Variants in MICAL2 observed in about 807,000 individuals in gnomAD.
MICAL2 encodes the protein microtubule associated monooxygenase, calponin and LIM domain containing 2.
MICAL2 carries 77 observed loss-of-function variants against 127.3 expected under a neutral mutation model. The observed-to-expected ratio is 0.60, with a 90% confidence interval of 0.50 to 0.73. The LOEUF (loss-of-function observed/expected upper bound fraction) is 0.73. MICAL2 is among the 30% of genes least tolerant of loss of function. The pLI is 0.00. For synonymous variants in MICAL2, 570 were observed against 551.1 expected (o/e 1.03, Z -0.48); for missense variants, 1,351 against 1,434.4 (o/e 0.94, Z 0.94).
intron 13 of MICAL2, 31 bp from the exon 14 acceptor site, chr11:12,226,140 T>C: frequency 6.2e-7 from 1 of 1,611,836 alleles, no homozygotes; most frequent in Non-Finnish European, 8.5e-7. Context: ...CTCCTCTCCC[T>C]GAATTTCTCT....
intron 3 of MICAL2, among the ~76,000 whole-genome samples, chr11:12,194,460 A>G (rs115437369): frequency 6.6e-6 from 1 of 152,242 alleles, no homozygotes; most frequent in Non-Finnish European, 1.5e-5. Flanking sequence ...CAACTAAAAA[A>G]GAGAAAATGG....
chr11:12,121,456 G>A (rs1850502025), intron 1 of MICAL2: 1 of 152,692 alleles, frequency 6.5e-6, no homozygotes, highest in Admixed American at 6.5e-5. Flanking sequence ...GGCTGTCAGA[G>A]CATTTGTACA....
chr11:12,167,336 C>T (rs1855631176), intron 3 of MICAL2, among the ~76,000 whole-genome samples: 1 of 152,162 alleles, frequency 6.6e-6, no homozygotes. Flanking sequence ...GGTCACCACA[C>T]ACCTTTTGCT....
chr11:12,331,466 G>T (rs558138693), intron 32 of MICAL2, among the ~76,000 whole-genome samples: 1 of 152,270 alleles, frequency 6.6e-6, no homozygotes, highest in East Asian at 1.9e-4. Flanking sequence ...GATGCACAAA[G>T]TGCCAGCAGG....
At chr11:12,287,219 G>C in exon 3 of MICAL2, 1 of 398,824 alleles carries the variant, frequency 2.5e-6, no homozygotes, top group Non-Finnish European at 4.4e-6. Context: ...AAGATCTCTG[G>C]TTAATTCTCA....
chr11:12,213,807 T>G (rs975587354), intron 7 of MICAL2, among the ~76,000 whole-genome samples: 2 of 152,196 alleles, frequency 1.3e-5, no homozygotes, highest in Non-Finnish European at 2.9e-5. Context: ...ATTTAGGGAA[T>G]GCTAAGGAGG....
intron 3 of MICAL2, among the ~76,000 whole-genome samples, chr11:12,200,777 GCTA>G (rs1225454309): frequency 6.6e-6 from 1 of 152,186 alleles, no homozygotes; most frequent in Non-Finnish European, 1.5e-5. Context: ...CTGTACACCA[GCTA>G]CTGTTTGCGT....
intron 1 of MICAL2, among the ~76,000 whole-genome samples, chr11:12,111,225 A>C (rs781341806): frequency 3.5e-4 from 53 of 152,268 alleles, no homozygotes; most frequent in Non-Finnish European, 6.6e-4. Context: ...AGTTGGGCCA[A>C]ATGTCAGTGG....
intron 8 of MICAL2, among the ~76,000 whole-genome samples, chr11:12,217,888 T>G (rs1315717363): frequency 1.3e-5 from 2 of 152,128 alleles, no homozygotes; most frequent in African/African-American, 2.4e-5. Context: ...GACACCTGAT[T>G]GGAACAAGAG....
intron 1 of MICAL2, among the ~76,000 whole-genome samples, chr11:12,116,125 C>A (rs796793058): frequency 1.5e-5 from 2 of 134,874 alleles, no homozygotes; most frequent in South Asian, 2.6e-4. Context: ...TACAGGCATC[C>A]GCCACCATGC....
chr11:12,332,112 C>G (rs1486299859), intron 32 of MICAL2, among the ~76,000 whole-genome samples: 3 of 152,128 alleles, frequency 2.0e-5, no homozygotes, highest in Non-Finnish European at 4.4e-5. Context: ...AGCTGTTCAA[C>G]AAAGATAGCA....
chr11:12,320,563 G>A (rs968216265), intron 30 of MICAL2, among the ~76,000 whole-genome samples: 2 of 152,120 alleles, frequency 1.3e-5, no homozygotes, highest in Admixed American at 1.3e-4. Flanking sequence ...TTATTGAATG[G>A]TTGGACCTAA....
intron 16 of MICAL2, among the ~76,000 whole-genome samples, chr11:12,236,766 C>T (rs1859125629): frequency 6.6e-6 from 1 of 152,216 alleles, no homozygotes; most frequent in African/African-American, 2.4e-5. Context: ...CTCTTGCCTG[C>T]TTCTGAAAAA....
chr11:12,327,255 G>A (rs1042108919), exon 32 of MICAL2: 25 of 1,550,224 alleles, frequency 1.6e-5, no homozygotes, highest in East Asian at 2.4e-5. Flanking sequence ...AAGGCGTTGC[G>A]AGGAGAAGCA....
At chr11:12,202,235 C>A (rs560053351) in intron 3 of MICAL2, among the ~76,000 whole-genome samples, 76 of 152,334 alleles carry the variant, frequency 5.0e-4, no homozygotes, top group Non-Finnish European at 9.8e-4. Flanking sequence ...GAGCTTCTTT[C>A]TCTTTCTCTT....
chr11:12,350,412 A>G (rs1280539114), intron 33 of MICAL2, among the ~76,000 whole-genome samples: 1 of 152,226 alleles, frequency 6.6e-6, no homozygotes, highest in Non-Finnish European at 1.5e-5. Context: ...TTGGGAGACC[A>G]AAAAGTGGAG....
intron 1 of MICAL2, among the ~76,000 whole-genome samples, chr11:12,129,545 C>T (rs183571707): frequency 6.6e-5 from 10 of 152,126 alleles, no homozygotes; most frequent in African/African-American, 2.4e-4. Flanking sequence ...CATCATTTCC[C>T]CCTTAGCCCT....
At chr11:12,180,452 C>A (rs980007147) in intron 3 of MICAL2, among the ~76,000 whole-genome samples, 2 of 151,990 alleles carry the variant, frequency 1.3e-5, no homozygotes, top group African/African-American at 4.8e-5. Context: ...GATTTATGAT[C>A]TCTTGTGCTG....
chr11:12,201,220 G>T (rs970442640), intron 3 of MICAL2, among the ~76,000 whole-genome samples: 1 of 152,044 alleles, frequency 6.6e-6, no homozygotes, highest in Non-Finnish European at 1.5e-5. Flanking sequence ...CTGGATCTCA[G>T]TGGTGACTTC....
Sources: gnomAD v4.1 joint callset for allele counts (sites outside exome capture counted in the v4.1 genomes callset) on GRCh38, gnomAD v4.1.1 for gene constraint, MANE v1.5 for transcripts, NCBI Gene and HGNC (gene_info 2026-07-23, HGNC 2026-07-21) for gene names.